SOX5: variants seen among roughly 807,000 people sequenced by gnomAD.
The protein encoded by SOX5 is SRY-box transcription factor 5, also known as transcription factor SOX-5.
A neutral mutation model predicts 92.0 loss-of-function variants in SOX5; 9 were observed. The ratio of observed to expected loss-of-function variants is 0.10; its 90% CI spans 0.06 to 0.17. The LOEUF (loss-of-function observed/expected upper bound fraction) is 0.17, where lower values mean the gene tolerates loss of function less well. Ranked by LOEUF, SOX5 falls within the 10% of genes least tolerant of loss-of-function variation. The pLI is 1.00. For missense variants in SOX5, 642 were observed against 944.5 expected (o/e 0.68, Z 4.20); for synonymous variants, 344 against 336.3 (o/e 1.02, Z -0.25).
intron 9 of SOX5, among the ~76,000 whole-genome samples, chr12:23,591,613 C>T (rs372758638): frequency 5.3e-5 from 8 of 152,208 alleles, no homozygotes; most frequent in Admixed American, 6.5e-5. Flanking sequence ...AACGACAGTG[C>T]TATTTGCATG....
At position 23,802,531 on chromosome 12, in the gene SOX5, A is replaced by C. The variant is rs1027349873; in HGVS notation, c.481+43452T>G. ...AACCAATTTTGGAGTCTTATATCCC[A>C]AAATTTGACACATTTCTAAACACAG... On this transcript the variant is annotated intron_variant, in intron 3 of 14. Transcript: ENST00000451604. 2.6e-5 allele frequency among the ~76,000 whole-genome samples: 4 copies of C among 152,214 alleles called. No individual in the cohort carries two copies. The East Asian group carries it at 5.8e-4, about 22-fold the overall frequency.
intron 4 of SOX5, among the ~76,000 whole-genome samples, chr12:24,095,166 GAGAGAC>G (rs1187483304): frequency 5.4e-5 from 8 of 149,240 alleles, no homozygotes; most frequent in South Asian, 2.1e-4. Context: ...GACAGAGACA[GAGAGAC>G]AGAGACAGAG....
At chr12:23,816,550 T>C (rs111547103) in intron 3 of SOX5, among the ~76,000 whole-genome samples, 8 of 152,148 alleles carry the variant, frequency 5.3e-5, no homozygotes, top group African/African-American at 1.9e-4. Context: ...TAGCAGAAAA[T>C]TCCTGGTAGA....
rs575920611 is a variant in SOX5 at position 24,311,404 on chromosome 12, G to A, written c.-173-34092C>T. Among the ~76,000 whole-genome samples, 3 of 152,170 alleles carry A rather than the reference G, an allele frequency of 2.0e-5. No individual in the cohort carries two copies. The South Asian group carries it at 6.2e-4, about 32-fold the overall frequency. ...CTTTCTTTCATTATAGGGGTGTCAG[G>A]TATGACTCTTGCAATGGCTGAGTTA... On this transcript the variant is annotated intron_variant, in intron 2 of 4. Transcript: ENST00000446891.
intron 4 of SOX5, among the ~76,000 whole-genome samples, chr12:24,136,377 A>T (rs545040023): frequency 6.6e-6 from 1 of 152,374 alleles, no homozygotes; most frequent in East Asian, 1.9e-4. Context: ...GCTATCCTGG[A>T]GAGCAAGCAA....
chr12:23,696,188 TTG>T (rs2089826141), intron 6 of SOX5, among the ~76,000 whole-genome samples: 1 of 152,044 alleles, frequency 6.6e-6, no homozygotes, highest in Non-Finnish European at 1.5e-5. Flanking sequence ...TTCTGAAAGT[TTG>T]TATAAAATTG....
At chr12:24,421,587 G>A (rs1965925125) in intron 1 of SOX5, among the ~76,000 whole-genome samples, 1 of 151,986 alleles carries the variant, frequency 6.6e-6, no homozygotes, top group Non-Finnish European at 1.5e-5. Context: ...TATCTCTCTT[G>A]GGGATCCAGT....
intron 1 of SOX5, among the ~76,000 whole-genome samples, chr12:24,524,762 C>A (rs1950557808): frequency 6.6e-6 from 1 of 152,114 alleles, no homozygotes; most frequent in African/African-American, 2.4e-5. Context: ...GTACATCATG[C>A]CTGTAAACCC....
upstream of SOX5, among the ~76,000 whole-genome samples, chr12:23,951,603 T>C (rs1311033227): frequency 6.6e-6 from 1 of 152,048 alleles, no homozygotes; most frequent in Non-Finnish European, 1.5e-5. Context: ...AAGTTGATAA[T>C]AACTTAATAT....
chr12:23,857,837 A>T lies in SOX5; in HGVS notation c.271-11644T>A, dbSNP rs1010793953. ...AACCTCCCCCTCCCAGGTTCAAGCG[A>T]TTCTCCTGCCTCAGCCTCCTGAGTA... On this transcript the variant is annotated intron_variant, in intron 2 of 14. Transcript: ENST00000451604. 3.4e-4 allele frequency among the ~76,000 whole-genome samples: 52 copies of T among 151,264 alleles called. 2 individuals carry two copies.
At position 24,093,306 on chromosome 12, in the gene SOX5, G is replaced by T. The variant is rs190287377; in HGVS notation, c.-2+120037C>A. On this transcript the variant is annotated intron_variant, in intron 4 of 4. Coordinates refer to the SOX5 transcript ENST00000446891. ...GGAGGCCGAGGCGGGCAGATCACGA[G>T]GTCCGGAGATCGAGACCATCCTGGC... is the stretch of plus-strand genomic sequence containing the variant. Among the ~76,000 whole-genome samples, 388 of 152,120 alleles carry T rather than the reference G, an allele frequency of 2.6e-3. 1 individual carries two copies. The highest frequency in any genetic ancestry group is 9.1e-3 in the African/African-American group (377 of 41,508).
At chr12:23,867,957 T>A (rs925391883) in intron 2 of SOX5, among the ~76,000 whole-genome samples, 10 of 151,874 alleles carry the variant, frequency 6.6e-5, no homozygotes, top group South Asian at 2.1e-4. Flanking sequence ...GAAAAAAAAA[T>A]TTAAGGATGT....
chr12:24,484,543 G>A (rs892016937), intron 1 of SOX5, among the ~76,000 whole-genome samples: 1 of 152,174 alleles, frequency 6.6e-6, no homozygotes, highest in Non-Finnish European at 1.5e-5. Flanking sequence ...GCCTATGTGT[G>A]TGTGTCCATG....
intron 11 of SOX5, among the ~76,000 whole-genome samples, chr12:23,552,789 G>A (rs1277332229): frequency 1.3e-5 from 2 of 151,900 alleles, no homozygotes; most frequent in African/African-American, 2.4e-5. Context: ...GTGGACATAC[G>A]ACTACCTGCC....
intron 2 of SOX5, among the ~76,000 whole-genome samples, chr12:24,295,412 C>G (rs1284357124): frequency 6.6e-6 from 1 of 152,122 alleles, no homozygotes; most frequent in Non-Finnish European, 1.5e-5. Context: ...TAAGACACCC[C>G]CAAACACTTT....
chr12:23,692,595 T>C (rs1280451166), intron 6 of SOX5, among the ~76,000 whole-genome samples: 3 of 152,236 alleles, frequency 2.0e-5, no homozygotes, highest in African/African-American at 7.2e-5. Context: ...AATTATATTC[T>C]GTATGTGTGT....
chr12:24,325,650 C>A (rs1019728759), intron 2 of SOX5, among the ~76,000 whole-genome samples: 1 of 152,118 alleles, frequency 6.6e-6, no homozygotes, highest in African/African-American at 2.4e-5. Flanking sequence ...GGGGAACATG[C>A]ATTTACATGA....
chr12:24,378,352 A>G (rs1162707276), intron 1 of SOX5, among the ~76,000 whole-genome samples: 1 of 152,238 alleles, frequency 6.6e-6, no homozygotes, highest in Non-Finnish European at 1.5e-5. Context: ...TCTATTTTGC[A>G]TCCGATTTCC....
At chr12:23,756,187 C>T (rs748996524) in intron 3 of SOX5, among the ~76,000 whole-genome samples, 86 of 151,402 alleles carry the variant, frequency 5.7e-4, no homozygotes, top group Middle Eastern at 3.4e-3. Context: ...TGTTTAACAT[C>T]GTGTGGCGGT....
Sources: allele counts gnomAD v4.1 joint callset (sites outside exome capture counted in the v4.1 genomes callset), GRCh38; gene constraint gnomAD v4.1.1; transcripts MANE v1.5; gene names NCBI Gene and HGNC (gene_info 2026-07-23, HGNC 2026-07-21).